Variants in ZNF804B observed in about 807,000 individuals in gnomAD.
The protein encoded by ZNF804B is zinc finger protein 804B, also known as zinc finger 804B.
A neutral mutation model predicts 101.4 loss-of-function variants in ZNF804B; 80 were observed. The observed-to-expected ratio is 0.79, with a 90% CI of 0.66 to 0.95. ZNF804B has a LOEUF of 0.95. ZNF804B is among the 40% of genes least tolerant of loss of function. ZNF804B has a pLI of 0.00. For synonymous variants in ZNF804B, 622 were observed against 558.8 expected (o/e 1.11, Z -1.59); for missense variants, 1,673 against 1,561.9 (o/e 1.07, Z -1.20).
chr7:89,079,991 A>C (rs1789671696), intron 1 of ZNF804B, among the ~76,000 whole-genome samples: 2 of 152,074 alleles, frequency 1.3e-5, no homozygotes, highest in Admixed American at 6.6e-5. Context: ...GAAGGCTTTG[A>C]GCTTTGGCAT....
intron 1 of ZNF804B, among the ~76,000 whole-genome samples, chr7:89,113,936 A>G (rs1444754785): frequency 1.3e-5 from 2 of 152,082 alleles, no homozygotes; most frequent in East Asian, 3.9e-4. Context: ...AAAAAAAAAA[A>G]GGGAACACAT....
chr7:88,848,871 T>C (rs1791413035), intron 1 of ZNF804B, among the ~76,000 whole-genome samples: 1 of 152,048 alleles, frequency 6.6e-6, no homozygotes, highest in Non-Finnish European at 1.5e-5. Context: ...GTTGGAAGTT[T>C]AGATTTCATG....
At chr7:88,862,402 A>G (rs942668423) in intron 1 of ZNF804B, among the ~76,000 whole-genome samples, 1 of 152,176 alleles carries the variant, frequency 6.6e-6, no homozygotes, top group African/African-American at 2.4e-5. Flanking sequence ...ATTTATGTCA[A>G]GGTACATGAC....
chr7:89,161,446 T>C (rs1791060497), intron 1 of ZNF804B, among the ~76,000 whole-genome samples: 2 of 134,826 alleles, frequency 1.5e-5, no homozygotes, highest in Admixed American at 1.5e-4. Context: ...TTATGTAATA[T>C]AAACTATTCC....
At chr7:88,813,088 ATATTT>A (rs1025639411) in intron 1 of ZNF804B, among the ~76,000 whole-genome samples, 22 of 152,196 alleles carry the variant, frequency 1.4e-4, no homozygotes, top group African/African-American at 5.3e-4. Context: ...AATGTCAATT[ATATTT>A]TAATTTTAAA....
chr7:89,252,527 A>G (rs1789557861), intron 2 of ZNF804B, among the ~76,000 whole-genome samples: 1 of 152,200 alleles, frequency 6.6e-6, no homozygotes, highest in African/African-American at 2.4e-5. Flanking sequence ...CAATCCCATT[A>G]GTGGGTGGAT....
chr7:89,126,020 AT>A lies in ZNF804B; in HGVS notation c.109-92133del, dbSNP rs374035102. On this transcript the variant is annotated intron_variant, in intron 1 of 3. Coordinates refer to ENST00000333190, the MANE Select transcript of ZNF804B (RefSeq NM_181646.5). Reference sequence around the variant, plus strand: ...TATATTACAGATGCATCAGTGATGTATTGTAAATCAATATCTTCAGATTGTC... The same window carrying A: ...TATATTACAGATGCATCAGTGATGTATGTAAATCAATATCTTCAGATTGTC... 3.2e-4 allele frequency among the ~76,000 whole-genome samples: 49 copies of A among 152,132 alleles called. 1 individual carries two copies. The East Asian group carries it at 5.0e-3, about 16-fold the overall frequency.
intron 1 of ZNF804B, among the ~76,000 whole-genome samples, chr7:89,149,921 C>T (rs1338357864): frequency 6.6e-6 from 1 of 151,986 alleles, no homozygotes; most frequent in Non-Finnish European, 1.5e-5. Context: ...AGACTTGATT[C>T]CACTCTCATT....
intron 1 of ZNF804B, among the ~76,000 whole-genome samples, chr7:89,011,239 A>T (rs1219075135): frequency 1.3e-5 from 2 of 152,170 alleles, no homozygotes; most frequent in Non-Finnish European, 2.9e-5. Context: ...AACCCTTCCC[A>T]TGATCCAATT....
intron 1 of ZNF804B, among the ~76,000 whole-genome samples, chr7:88,887,852 T>C (rs1440901011): frequency 6.6e-6 from 1 of 152,158 alleles, no homozygotes; most frequent in South Asian, 2.1e-4. Context: ...CACACACAGA[T>C]GTGGCTTTGA....
intron 1 of ZNF804B, among the ~76,000 whole-genome samples, chr7:89,131,992 GA>G (rs1321021858): frequency 1.1e-4 from 16 of 151,894 alleles, no homozygotes; most frequent in African/African-American, 3.9e-4. Flanking sequence ...AAGGCAAGGT[GA>G]TATTACCTAT....
At chr7:89,150,258 T>C (rs929428567) in intron 1 of ZNF804B, among the ~76,000 whole-genome samples, 2 of 152,088 alleles carry the variant, frequency 1.3e-5, no homozygotes, top group Admixed American at 1.3e-4. Flanking sequence ...ATCCGAGATT[T>C]TAGGTATTCA....
At chr7:89,254,430 C>T (rs1789593487) in intron 2 of ZNF804B, among the ~76,000 whole-genome samples, 1 of 150,712 alleles carries the variant, frequency 6.6e-6, no homozygotes, top group Non-Finnish European at 1.5e-5. Flanking sequence ...AGACTACATA[C>T]AATTTTATGG....
intron 1 of ZNF804B, among the ~76,000 whole-genome samples, chr7:89,122,669 A>G (rs919876518): frequency 1.4e-4 from 21 of 152,248 alleles, no homozygotes; most frequent in African/African-American, 3.6e-4. Flanking sequence ...GACCTTATGC[A>G]GAGTATTATT....
At chr7:89,124,982 G>A (rs2116371482) in intron 1 of ZNF804B, among the ~76,000 whole-genome samples, 1 of 150,866 alleles carries the variant, frequency 6.6e-6, no homozygotes, top group Admixed American at 6.6e-5. Context: ...TGTTTAGCAT[G>A]TGATTGACCG....
intron 2 of ZNF804B, among the ~76,000 whole-genome samples, chr7:89,306,846 C>T (rs1436126731): frequency 6.6e-6 from 1 of 151,928 alleles, no homozygotes; most frequent in Non-Finnish European, 1.5e-5. Context: ...GACATTTTGC[C>T]CCCAAACTTA....
intron 1 of ZNF804B, among the ~76,000 whole-genome samples, chr7:89,017,983 CT>C (rs1788598212): frequency 1.3e-5 from 2 of 152,104 alleles, no homozygotes; most frequent in East Asian, 3.9e-4. Flanking sequence ...TGACTTCTTC[CT>C]TTTTAGTTGG....
chr7:88,976,182 T>G lies in ZNF804B; in HGVS notation c.108+216098T>G, dbSNP rs929886490. ...TGTAGTATATTTTGAAGTCAGGTAA[T>G]GTAATTCTTCCGTTTTTGTTCTTAT... On this transcript the variant is annotated intron_variant, in intron 1 of 3. Coordinates refer to ENST00000333190, the MANE Select transcript of ZNF804B (RefSeq NM_181646.5). 2.0e-5 allele frequency among the ~76,000 whole-genome samples: 3 copies of G among 151,760 alleles called. No homozygotes were observed. In the South Asian group the frequency reaches 6.2e-4, roughly 31 times the overall value.
At chr7:89,189,762 A>G (rs1377878381) in intron 1 of ZNF804B, among the ~76,000 whole-genome samples, 2 of 152,110 alleles carry the variant, frequency 1.3e-5, no homozygotes, top group Non-Finnish European at 2.9e-5. Flanking sequence ...ATAATTCCAA[A>G]TGGTTGGAAT....
Sources: gnomAD v4.1 joint callset for allele counts (sites outside exome capture counted in the v4.1 genomes callset) on GRCh38, gnomAD v4.1.1 for gene constraint, MANE v1.5 for transcripts, NCBI Gene and HGNC (gene_info 2026-07-23, HGNC 2026-07-21) for gene names.